The following ZNF317 variants were observed in gnomAD, a reference collection of about 807,000 sequenced individuals.
The protein encoded by ZNF317 is zinc finger protein 317.
Under a neutral mutation model 23.4 loss-of-function variants are expected in ZNF317, and 17 were observed. The observed-to-expected ratio is 0.73, with a 90% CI of 0.50 to 1.09. The LOEUF (loss-of-function observed/expected upper bound fraction) is 1.09. Ranked by LOEUF, ZNF317 falls within the 50% of genes least tolerant of loss-of-function variation. ZNF317 has a pLI of 0.00. For synonymous variants in ZNF317, 317 were observed against 314.9 expected (o/e 1.01, Z -0.07); for missense variants, 679 against 796.7 (o/e 0.85, Z 1.78).
Position 9,161,309 on chromosome 19 carries a change from A to G in ZNF317, c.1664A>G (p.Glu555Gly). Residue 555 changes from glutamate (E) to glycine (G), a missense_variant, in exon 7 of 7, where the codon GAG (glutamate) becomes GGG (glycine). Glu to Gly is a moderately conservative substitution (Grantham distance 98, BLOSUM62 -2). Coordinates refer to ENST00000247956, the MANE Select transcript of ZNF317 (RefSeq NM_020933.5). This position sits in a 1 kb window ranked among gnomAD's most constrained non-coding sequence, Gnocchi z 4.0. ...LNVHRRIHTG[E>G]KPYECLVCGK... ...GTGCACAGGCGGATCCACACCGGGG[A>G]GAAGCCCTACGAATGCCTTGTCTGC... 1 of 1,613,964 alleles carries G rather than the reference A, an allele frequency of 6.2e-7. No homozygotes were observed. Among genetic ancestry groups the G allele is most frequent in the East Asian group, 2.2e-5 (1 of 44,866 alleles).
At chr19:9,159,445 A>G (rs1004272522) in intron 6 of ZNF317, among the ~76,000 whole-genome samples, 12 of 139,390 alleles carry the variant, frequency 8.6e-5, no homozygotes, top group Admixed American at 2.1e-4. Flanking sequence ...CTGGAGATCC[A>G]TCAGCCTCGG....
rs35259257 is a variant in ZNF317, at chr19:9,147,330, G to GTTTTTTTTTT, written c.-93+6756_-93+6765dup. Among the ~76,000 whole-genome samples, 23 of 110,158 alleles carry GTTTTTTTTTT rather than the reference G, an allele frequency of 2.1e-4. 2 individuals carry two copies. Among genetic ancestry groups the GTTTTTTTTTT allele is most frequent in the African/African-American group, 8.2e-4 (21 of 25,602 alleles). The allele number at this position is 110,158 out of a possible 152,430, so 72.3% of individuals were successfully genotyped here. A position where few individuals can be genotyped will look rare whatever the true frequency, so the allele number is the denominator to read the frequency against. ...TGGTGACAGCATTCCAATGACACTG[G>GTTTTTTTTTT]TTTTTTTTTTTTTTTTTTTTTTTTT... On this transcript the variant is annotated intron_variant, in intron 1 of 6. Coordinates refer to ENST00000247956, the MANE Select transcript of ZNF317 (RefSeq NM_020933.5).
At chr19:9,143,467 T>G (rs2050652455) in intron 1 of ZNF317, among the ~76,000 whole-genome samples, 1 of 152,204 alleles carries the variant, frequency 6.6e-6, no homozygotes, top group South Asian at 2.1e-4. Context: ...TATTGTATTT[T>G]AATTATAAAT....
At position 9,161,026 on chromosome 19, in the gene ZNF317, C is replaced by T. The variant is rs1419884213; in HGVS notation, c.1381C>T (p.Leu461Phe). 6.2e-7 allele frequency: 1 copy of T among 1,614,202 alleles called. No individual in the cohort carries two copies. Among genetic ancestry groups the T allele is most frequent in the Non-Finnish European group, 8.5e-7 (1 of 1,180,050 alleles). The change falls in exon 7 of 7, where the codon CTC (leucine) becomes TTC (phenylalanine). Residue 461 changes from leucine (L) to phenylalanine (F), a missense_variant. Leu to Phe is a conservative substitution (Grantham distance 22, BLOSUM62 0). Transcript: ENST00000247956. This position sits in a 1 kb window ranked among gnomAD's most constrained non-coding sequence, Gnocchi z 4.0. ...CGKAFSASSN[L>F]TAHRKIHTQE... The stretch of plus-strand genomic sequence containing the variant: ...GAAAGCTTTCAGCGCGAGTTCAAAC[C>T]TCACCGCACACAGGAAGATACACAC...
At chr19:9,140,716 G>T in intron 1 of ZNF317, 124 bp downstream of exon 1, 1 of 372,586 alleles carries the variant, frequency 2.7e-6, no homozygotes. Flanking sequence ...CCAGACGAGG[G>T]GTGCGTTTAG....
rs1287577530 is a variant in ZNF317, at chr19:9,140,465, G to A, written c.-220G>A. 4.4e-6 allele frequency: 2 copies of A among 456,020 alleles called. No homozygotes were observed. Among genetic ancestry groups the A allele is most frequent in the Non-Finnish European group, 8.8e-6 (2 of 226,704 alleles). 28.2% of individuals were successfully genotyped at this position (456,020 alleles called of 1,614,324 possible). On this transcript the variant is annotated 5_prime_UTR_variant, in exon 1 of 7. Transcript: ENST00000247956. ...ACACATGGGCCAAGGAGGGGTCAGC[G>A]GCGAATTCTTTCGGCCTGTTGGGGA...
intron 5 of ZNF317, 85 bp downstream of exon 5, chr19:9,158,160 C>T: frequency 7.0e-7 from 1 of 1,430,586 alleles, no homozygotes; most frequent in Non-Finnish European, 9.2e-7. Flanking sequence ...TAGGGAGTGT[C>T]ACCCAGGGAA....
intron 1 of ZNF317, among the ~76,000 whole-genome samples, chr19:9,142,356 C>T (rs1600220515): frequency 6.6e-6 from 1 of 151,958 alleles, no homozygotes; most frequent in African/African-American, 2.4e-5. Context: ...GTGGGGACTT[C>T]CCTTGTCATT....
chr19:9,156,955 C>T, intron 3 of ZNF317: 1 of 705,704 alleles, frequency 1.4e-6, no homozygotes, highest in South Asian at 2.0e-5. Flanking sequence ...CTCATGCTTG[C>T]AAAATCTCAG....
At chr19:9,147,330 G>GTTTTTTTTTTTTTTTTTTTTTTTTT (rs35259257) in intron 1 of ZNF317, among the ~76,000 whole-genome samples, 1 of 110,172 alleles carries the variant, frequency 9.1e-6, no homozygotes, top group African/African-American at 3.9e-5. Flanking sequence ...AATGACACTG[G>GTTTTTTTTTTTTTTTTTTTTTTTTT]TTTTTTTTTT....
At chr19:9,144,402 G>A (rs1223887499) in intron 1 of ZNF317, among the ~76,000 whole-genome samples, 1 of 152,126 alleles carries the variant, frequency 6.6e-6, no homozygotes, top group African/African-American at 2.4e-5. Context: ...CATTTATTCT[G>A]TTAGCATCTT....
chr19:9,159,940 G>T (rs28735077), intron 6 of ZNF317, among the ~76,000 whole-genome samples, 174 bp from the exon 7 acceptor site: 5,784 of 152,300 alleles, frequency 0.038, 373 homozygotes, highest in African/African-American at 0.13. Context: ...TTCACCTATT[G>T]TCCTTGATGG....
rs145056824 is a variant in ZNF317, at chr19:9,160,450, G to A, written c.805G>A (p.Ala269Thr). ...CGACCCTTCAGCCCTTAGGAGCCAC[G>A]CAAGAACTCACCTCAAAGAGAAGCC... ...FNDPSALRSH[A>T]RTHLKEKPFD... Residue 269 changes from alanine to threonine, a missense_variant, in exon 7 of 7, where the codon GCA becomes ACA. Transcript: ENST00000247956. This position sits in a 1 kb window ranked among gnomAD's most constrained non-coding sequence, Gnocchi z 6.8. The A allele has an allele frequency of 2.9e-4, 474 of 1,613,862 alleles. No homozygotes were observed. Among genetic ancestry groups the A allele is most frequent in the Non-Finnish European group, 3.8e-4 (448 of 1,179,960 alleles).
Position 9,161,430 on chromosome 19 carries a change from G to T in ZNF317, c.1785G>T (p.Gln595His). 6.2e-7 allele frequency: 1 copy of T among 1,609,612 alleles called. No individual in the cohort carries two copies. The highest frequency in any genetic ancestry group is 1.1e-5 in the South Asian group (1 of 90,658). ...LFVSSVWKRL[Q>H] ...TGTCATCCGTGTGGAAAAGGCTCCA[G>T]TGAGCGCGCCTGCTTTAGAGACACA... Residue 595 changes from glutamine to histidine, a missense_variant, in exon 7 of 7, where the codon CAG becomes CAT. Physicochemically the swap from Gln to His is conservative, Grantham distance 24. Transcript: ENST00000247956. This position sits in a 1 kb window ranked among gnomAD's most constrained non-coding sequence, Gnocchi z 4.0.
rs2050785605 is a variant in ZNF317 at position 9,156,603 on chromosome 19, C to G, written c.26-9C>G. On this transcript the variant is annotated splice_polypyrimidine_tract_variant and intron_variant, in intron 2 of 6. Coordinates refer to ENST00000247956, the MANE Select transcript of ZNF317 (RefSeq NM_020933.5). ...CTCTGATTCTCATGAACCCTGTTTT[C>G]TCCTCCAGCCACGTCCACCCAGGAT... 6.2e-7 allele frequency: 1 copy of G among 1,612,354 alleles called. No individual in the cohort carries two copies. Among genetic ancestry groups the G allele is most frequent in the Non-Finnish European group, 8.5e-7 (1 of 1,179,164 alleles).
chr19:9,151,831 C>T lies in ZNF317; in HGVS notation c.-92-4094C>T, dbSNP rs142251677. On this transcript the variant is annotated intron_variant, in intron 1 of 6. Coordinates refer to ENST00000247956, the MANE Select transcript of ZNF317 (RefSeq NM_020933.5). ...ATTTTCCACCATTCTGTGTCTCATTCACTTTCTTGATAATGTCCTTGATGT... is the reference window on the plus strand; with the variant it reads ...ATTTTCCACCATTCTGTGTCTCATTTACTTTCTTGATAATGTCCTTGATGT... Among the ~76,000 whole-genome samples, 45 of 151,878 alleles carry T rather than the reference C, an allele frequency of 3.0e-4. No individual in the cohort carries two copies. The East Asian group carries it at 6.6e-3, about 22-fold the overall frequency.
Position 9,161,013 on chromosome 19 carries a change from C to T in ZNF317, c.1368C>T (p.Ser456=), listed in dbSNP as rs1188816646. ...GCGATCTCTGCGGGAAAGCTTTCAG[C>T]GCGAGTTCAAACCTCACCGCACACA... ...YGCDLCGKAF[S]ASSNLTAHRK... is the part of the protein sequence containing the mutation. Residue 456 remains serine, a synonymous_variant, in exon 7 of 7, where the codon AGC becomes AGT. Transcript: ENST00000247956. This position sits in a 1 kb window ranked among gnomAD's most constrained non-coding sequence, Gnocchi z 4.0. The T allele has an allele frequency of 7.4e-6, 12 of 1,614,014 alleles. No homozygotes were observed. The highest frequency in any genetic ancestry group is 5.3e-5 in the African/African-American group (4 of 74,896).
At chr19:9,152,337 C>A (rs2050742866) in intron 1 of ZNF317, among the ~76,000 whole-genome samples, 1 of 152,154 alleles carries the variant, frequency 6.6e-6, no homozygotes, top group Non-Finnish European at 1.5e-5. Flanking sequence ...GAGCATTGAT[C>A]CCCAAGCCCT....
In ZNF317 at chr19:9,160,770, C is replaced by G. The variant is rs1158242006; in HGVS notation, c.1125C>G (p.Ser375=). Residue 375 remains serine (S), a synonymous_variant, in exon 7 of 7, where the codon TCC becomes TCG. Coordinates refer to ENST00000247956, the MANE Select transcript of ZNF317 (RefSeq NM_020933.5). This position sits in a 1 kb window ranked among gnomAD's most constrained non-coding sequence, Gnocchi z 6.8. ...GCGGCAAAGCCTTCCGCTGGAAGTC[C>G]AACTTTAATTTGCACAAGAAGAACC... is the stretch of plus-strand genomic sequence containing the variant. The part of the protein sequence containing the change: ...TQCGKAFRWK[S]NFNLHKKNHM... 2.5e-6 allele frequency: 4 copies of G among 1,613,916 alleles called. No individual in the cohort carries two copies. Among genetic ancestry groups the G allele is most frequent in the Non-Finnish European group, 3.4e-6 (4 of 1,179,966 alleles).
Sources: allele counts gnomAD v4.1 joint callset (sites outside exome capture counted in the v4.1 genomes callset), GRCh38; gene constraint gnomAD v4.1.1; non-coding constraint Gnocchi (gnomAD v3.1); transcripts MANE v1.5; gene names NCBI Gene and HGNC (gene_info 2026-07-23, HGNC 2026-07-21).